Variants in ZMIZ1 observed in about 807,000 individuals in gnomAD.
The protein encoded by ZMIZ1 is zinc finger MIZ-type containing 1.
In ZMIZ1, 17 loss-of-function variants were observed where a neutral mutation model predicts 113.9. The observed-to-expected ratio is 0.15, with a 90% CI of 0.10 to 0.22. The LOEUF (loss-of-function observed/expected upper bound fraction) is 0.22. Among genes scored for constraint, ZMIZ1 ranks in the 10% least tolerant of loss-of-function variants. The pLI, the probability that ZMIZ1 is intolerant of heterozygous loss-of-function variation, is 1.00. For synonymous variants in ZMIZ1, 607 were observed against 603.1 expected (o/e 1.01, Z -0.09); for missense variants, 1,059 against 1,477.8 (o/e 0.72, Z 4.65).
intron 7 of ZMIZ1, among the ~76,000 whole-genome samples, chr10:79,246,788 ACTTCCAGCTTCCCAGGGAGCTCC>A (rs1290979399): frequency 5.9e-5 from 9 of 152,150 alleles, no homozygotes; most frequent in African/African-American, 2.2e-4. Context: ...CCCTCGAAGC[ACTTCCAGCTTCCCAGGGAGCTCC>A]CTGGCCAGAC....
chr10:79,166,231 C>T (rs1846342792), intron 4 of ZMIZ1, among the ~76,000 whole-genome samples: 7 of 152,234 alleles, frequency 4.6e-5, no homozygotes, highest in Admixed American at 4.6e-4. Context: ...CACTCCTTAC[C>T]AGGCCTCCCA....
intron 1 of ZMIZ1, among the ~76,000 whole-genome samples, chr10:79,093,016 G>A (rs1292517467): frequency 2.6e-5 from 4 of 151,808 alleles, no homozygotes; most frequent in African/African-American, 7.3e-5. Context: ...AGAGGTTCCT[G>A]GGGGTTCAAA....
chr10:79,239,322 C>G (rs1326901391), intron 7 of ZMIZ1, among the ~76,000 whole-genome samples: 1 of 148,744 alleles, frequency 6.7e-6, no homozygotes, highest in Non-Finnish European at 1.5e-5. Flanking sequence ...TGAATGCCCA[C>G]TCTATGCTCT....
At chr10:79,220,950 C>T (rs942599680) in intron 7 of ZMIZ1, among the ~76,000 whole-genome samples, 7 of 151,926 alleles carry the variant, frequency 4.6e-5, no homozygotes, top group African/African-American at 1.5e-4. Context: ...ATGTCTATGA[C>T]GTATATGTAC....
At chr10:79,125,094 TCTTCAG>T (rs1844460206) in intron 2 of ZMIZ1, among the ~76,000 whole-genome samples, 2 of 152,208 alleles carry the variant, frequency 1.3e-5, no homozygotes, top group Non-Finnish European at 2.9e-5. Flanking sequence ...CACCACGGCC[TCTTCAG>T]CAACCCAGGC....
chr10:79,139,765 C>CA lies in ZMIZ1; in HGVS notation c.-142dup. ...GAGCCGCTGTTTTTCACTGAGCTGC[C>CA]ATACCCCGAAAGGTAACACCAGCCC... On this transcript the variant is annotated 5_prime_UTR_variant, in exon 3 of 25. Coordinates refer to ENST00000334512, the MANE Select transcript of ZMIZ1 (RefSeq NM_020338.4). 2.5e-6 allele frequency: 1 copy of CA among 398,816 alleles called. No individual in the cohort carries two copies. Among genetic ancestry groups the CA allele is most frequent in the Non-Finnish European group, 4.4e-6 (1 of 226,190 alleles). The allele number at this position is 398,816 out of a possible 1,614,324, so 24.7% of individuals were successfully genotyped here.
chr10:79,104,760 G>A (rs1037727274), intron 1 of ZMIZ1, among the ~76,000 whole-genome samples: 4 of 152,208 alleles, frequency 2.6e-5, no homozygotes, highest in African/African-American at 4.8e-5. Context: ...GGACTGGCCC[G>A]CTGGCCACGG....
chr10:79,282,093 G>A (rs116987752), intron 8 of ZMIZ1, among the ~76,000 whole-genome samples: 2,032 of 152,278 alleles, frequency 0.013, 22 homozygotes, highest in South Asian at 0.053. Flanking sequence ...GCAACCTTTA[G>A]GAATTTCACA....
At chr10:79,126,479 A>C (rs780438056) in intron 2 of ZMIZ1, among the ~76,000 whole-genome samples, 98 of 152,182 alleles carry the variant, frequency 6.4e-4, no homozygotes, top group Non-Finnish European at 1.1e-3. Context: ...TGAGCCCCAA[A>C]GAATGACCAG....
intron 7 of ZMIZ1, among the ~76,000 whole-genome samples, chr10:79,248,861 G>A (rs1038641776): frequency 6.6e-6 from 1 of 152,148 alleles, no homozygotes; most frequent in Admixed American, 6.5e-5. Context: ...TGGAGTGGAT[G>A]GGTGCCAGCG....
At chr10:79,142,246 A>G (rs772858454) in intron 3 of ZMIZ1, among the ~76,000 whole-genome samples, 1 of 152,224 alleles carries the variant, frequency 6.6e-6, no homozygotes, top group Non-Finnish European at 1.5e-5. Context: ...AGCTGGAAAT[A>G]TGAGTCGGGA....
intron 4 of ZMIZ1, among the ~76,000 whole-genome samples, chr10:79,178,475 C>T (rs1191747527): frequency 6.6e-6 from 1 of 152,214 alleles, no homozygotes; most frequent in African/African-American, 2.4e-5. Flanking sequence ...TCCTCCCTGA[C>T]CCCTCACCAG....
At chr10:79,191,091 G>A (rs968617335) in intron 4 of ZMIZ1, among the ~76,000 whole-genome samples, 4 of 152,122 alleles carry the variant, frequency 2.6e-5, no homozygotes, top group African/African-American at 9.7e-5. Context: ...TGTGGGAGGT[G>A]GAGGGTTGTA....
chr10:79,160,786 G>A (rs1221652659), intron 3 of ZMIZ1, among the ~76,000 whole-genome samples: 1 of 152,236 alleles, frequency 6.6e-6, no homozygotes, highest in African/African-American at 2.4e-5. Context: ...TATGCTTCAC[G>A]TGATGTGGGC....
Position 79,293,423 on chromosome 10 carries a change from C to A in ZMIZ1, c.1000C>A (p.Pro334Thr). 2 of 1,526,204 alleles carry A rather than the reference C, an allele frequency of 1.3e-6. No individual in the cohort carries two copies. The highest frequency in any genetic ancestry group is 1.8e-6 in the Non-Finnish European group (2 of 1,137,512). 94.5% of individuals were successfully genotyped at this position (1,526,204 alleles called of 1,614,324 possible). Residue 334 changes from proline to threonine, a missense_variant, in exon 12 of 25, where the codon CCC (proline) becomes ACC (threonine). Coordinates refer to ENST00000334512, the MANE Select transcript of ZMIZ1 (RefSeq NM_020338.4). ...QAYNSQFMNQ[P>T]GPRGPASMGG... ...GTATAACAGCCAATTCATGAACCAGCCCGGGCCGCGGGGGCCTGCCTCCAT... is the reference window on the plus strand; with the variant it reads ...GTATAACAGCCAATTCATGAACCAGACCGGGCCGCGGGGGCCTGCCTCCAT...
chr10:79,070,357 G>T (rs1424320079), intron 1 of ZMIZ1, among the ~76,000 whole-genome samples: 1 of 152,162 alleles, frequency 6.6e-6, no homozygotes, highest in Non-Finnish European at 1.5e-5. Context: ...GTGGGGGCGC[G>T]GGCGAGGGGC....
At chr10:79,086,614 A>G (rs1173819902) in intron 1 of ZMIZ1, among the ~76,000 whole-genome samples, 1 of 152,206 alleles carries the variant, frequency 6.6e-6, no homozygotes, top group African/African-American at 2.4e-5. Flanking sequence ...CCTGGACTCA[A>G]GCGATCCTCC....
chr10:79,093,860 G>A (rs1271469592), intron 1 of ZMIZ1, among the ~76,000 whole-genome samples: 1 of 152,158 alleles, frequency 6.6e-6, no homozygotes, highest in Non-Finnish European at 1.5e-5. Context: ...TAGGAGGTGT[G>A]GGTGCAGAGG....
chr10:79,259,034 A>G (rs997482594), intron 7 of ZMIZ1, among the ~76,000 whole-genome samples: 2 of 152,074 alleles, frequency 1.3e-5, no homozygotes, highest in African/African-American at 4.8e-5. Flanking sequence ...CGAGGGGAGG[A>G]AGCGCCCAGC....
Sources: allele counts gnomAD v4.1 joint callset (sites outside exome capture counted in the v4.1 genomes callset), GRCh38; gene constraint gnomAD v4.1.1; transcripts MANE v1.5; gene names NCBI Gene and HGNC (gene_info 2026-07-23, HGNC 2026-07-21).